COG5: variants seen among roughly 807,000 people sequenced by gnomAD.
COG5 encodes the protein conserved oligomeric Golgi complex subunit 5.
Under a neutral mutation model 110.4 loss-of-function variants are expected in COG5, and 86 were observed. The observed-to-expected ratio is 0.78, with a 90% CI of 0.65 to 0.93. The LOEUF (loss-of-function observed/expected upper bound fraction) is 0.93. Ranked by LOEUF, COG5 falls within the 40% of genes least tolerant of loss-of-function variation. The pLI is 0.00. For synonymous variants in COG5, 360 were observed against 334.6 expected, an observed-to-expected ratio of 1.08 and a Z score of -0.83; for missense variants, 1,077 against 987.0, an observed-to-expected ratio of 1.09 and a Z score of -1.22.
chr7:107,546,435 G>GTTTTTTTTTTTTTTTTTTTT (rs754919944), intron 5 of COG5, among the ~76,000 whole-genome samples: 2 of 119,520 alleles, frequency 1.7e-5, no homozygotes, highest in Non-Finnish European at 3.4e-5. Context: ...TTGGTTTTTT[G>GTTTTTTTTTTTTTTTTTTTT]TTTTTTTTTT....
At chr7:107,275,299 A>T (rs1804614679) in intron 14 of COG5, among the ~76,000 whole-genome samples, 1 of 152,044 alleles carries the variant, frequency 6.6e-6, no homozygotes, top group East Asian at 1.9e-4. Context: ...TAAAAAAAAA[A>T]AAAAGGATCA....
chr7:107,546,875 T>C (rs2129172246), intron 5 of COG5, among the ~76,000 whole-genome samples: 1 of 152,172 alleles, frequency 6.6e-6, no homozygotes, highest in South Asian at 2.1e-4. Flanking sequence ...AGAGATTAAA[T>C]CAGTAATAAA....
intron 1 of COG5, 97 bp from the exon 2 acceptor site, chr7:107,558,212 G>T: frequency 7.8e-7 from 1 of 1,288,134 alleles, no homozygotes; most frequent in Non-Finnish European, 1.1e-6. Context: ...AACATATTTT[G>T]ATCCCATACT....
At chr7:107,246,486 A>G (rs1802068944) in intron 17 of COG5, among the ~76,000 whole-genome samples, 1 of 152,218 alleles carries the variant, frequency 6.6e-6, no homozygotes, top group African/African-American at 2.4e-5. Context: ...TCTAAGATCC[A>G]GAATCCATAA....
intron 6 of COG5, among the ~76,000 whole-genome samples, chr7:107,479,444 C>T (rs1278012154): frequency 6.6e-6 from 1 of 152,112 alleles, no homozygotes; most frequent in South Asian, 2.1e-4. Flanking sequence ...GAAGCTGCTG[C>T]CATCACCTTC....
intron 10 of COG5, among the ~76,000 whole-genome samples, chr7:107,351,444 C>G (rs544610199): frequency 2.0e-5 from 3 of 152,214 alleles, no homozygotes; most frequent in South Asian, 2.1e-4. Context: ...GCAACAAAAG[C>G]CAAAATTGAC....
In COG5 at chr7:107,531,046, T is replaced by C. The variant is rs1405859242; in HGVS notation, c.418-3689A>G. ...TCTTTTACATTAATCACTTCCTTAC[T>C]TTTTTTTTTTATTACTGAAGTACAA... On this transcript the variant is annotated intron_variant, in intron 5 of 21. Transcript: ENST00000297135. Among the ~76,000 whole-genome samples the C allele has an allele frequency of 5.2e-5, 4 of 77,598 alleles. No homozygotes were observed. The East Asian group carries it at 1.3e-3, about 26-fold the overall frequency. 50.9% of individuals were successfully genotyped at this position (77,598 alleles called of 152,430 possible). A position where few individuals can be genotyped will look rare whatever the true frequency, so the allele number is the denominator to read the frequency against.
In COG5 at chr7:107,210,496, G is replaced by C. The variant is rs776015476; in HGVS notation, c.2375+30C>G. 1.2e-5 allele frequency: 19 copies of C among 1,574,598 alleles called. No individual in the cohort carries two copies. The South Asian group carries it at 2.1e-4, about 17-fold the overall frequency. ...CCACCCTCCTTGGGCTTCCAGACCA[G>C]ATGGGTGCCCCCAGAGCACCTGGCT... On this transcript the variant is annotated intron_variant, in intron 21 of 21. Transcript: ENST00000297135.
chr7:107,481,302 G>C (rs933967260), intron 6 of COG5, among the ~76,000 whole-genome samples: 1 of 152,024 alleles, frequency 6.6e-6, no homozygotes, highest in Non-Finnish European at 1.5e-5. Flanking sequence ...CAAGGTTATG[G>C]GGAAACTGCT....
intron 7 of COG5, among the ~76,000 whole-genome samples, chr7:107,394,412 TTC>T (rs1790842855): frequency 6.6e-6 from 1 of 152,220 alleles, no homozygotes; most frequent in Non-Finnish European, 1.5e-5. Flanking sequence ...TGTGATTTTT[TTC>T]TTTCTTTCTC....
chr7:107,324,380 T>A (rs535094651), intron 11 of COG5, 60 bp downstream of exon 11: 12 of 1,100,080 alleles, frequency 1.1e-5, no homozygotes, highest in Non-Finnish European at 1.5e-5. Flanking sequence ...CTTCTTGACA[T>A]CAAATGATAA....
intron 7 of COG5, among the ~76,000 whole-genome samples, chr7:107,399,201 GA>G (rs1003558223): frequency 5.3e-5 from 8 of 149,756 alleles, no homozygotes; most frequent in Non-Finnish European, 1.0e-4. Context: ...GACTCTGTCT[GA>G]AAAAAAAAGT....
chr7:107,215,355 T>C lies in COG5; in HGVS notation c.2169-4130A>G, dbSNP rs1799445057. ...AAATCTCCATTTGTAAAAGAAAAAA[T>C]GGCTGAATGTATAAAAAATAAGACC... On this transcript the variant is annotated intron_variant, in intron 19 of 21. Coordinates refer to ENST00000297135, the MANE Select transcript of COG5 (RefSeq NM_006348.5). Among the ~76,000 whole-genome samples, 3 of 152,066 alleles carry C rather than the reference T, an allele frequency of 2.0e-5. No individual in the cohort carries two copies. In the South Asian group the frequency reaches 6.2e-4, roughly 32 times the overall value.
chr7:107,530,399 C>T (rs1481499693), intron 5 of COG5, among the ~76,000 whole-genome samples: 1 of 152,058 alleles, frequency 6.6e-6, no homozygotes, highest in East Asian at 1.9e-4. Context: ...GTCGAGAGTT[C>T]GAGACCAGCC....
intron 8 of COG5, among the ~76,000 whole-genome samples, chr7:107,370,125 CTCT>C (rs945113364): frequency 2.6e-4 from 39 of 150,998 alleles, no homozygotes; most frequent in African/African-American, 9.2e-4. Context: ...AATTTTTTTT[CTCT>C]TCTTAGGAAG....
intron 19 of COG5, among the ~76,000 whole-genome samples, chr7:107,219,200 G>C (rs748350278): frequency 6.6e-6 from 1 of 152,092 alleles, no homozygotes; most frequent in Non-Finnish European, 1.5e-5. Context: ...ATTGTGGTGA[G>C]AGTGTGGGGG....
At chr7:107,507,207 G>A (rs1799080088) in intron 6 of COG5, among the ~76,000 whole-genome samples, 1 of 152,142 alleles carries the variant, frequency 6.6e-6, no homozygotes, top group South Asian at 2.1e-4. Flanking sequence ...GCTGTAGCCT[G>A]CAGCTTCTTT....
chr7:107,347,360 G>C (rs550395901), intron 10 of COG5, among the ~76,000 whole-genome samples: 24 of 152,250 alleles, frequency 1.6e-4, no homozygotes, highest in African/African-American at 5.8e-4. Context: ...GAGAGAGAAT[G>C]AATCAGTATA....
chr7:107,459,637 A>G (rs1795868217), intron 6 of COG5, among the ~76,000 whole-genome samples: 1 of 151,958 alleles, frequency 6.6e-6, no homozygotes, highest in South Asian at 2.1e-4. Flanking sequence ...ATCTACTGGG[A>G]AAAATAAAAA....
Sources: gnomAD v4.1 joint callset for allele counts (sites outside exome capture counted in the v4.1 genomes callset) on GRCh38, gnomAD v4.1.1 for gene constraint, MANE v1.5 for transcripts, NCBI Gene and HGNC (gene_info 2026-07-23, HGNC 2026-07-21) for gene names.